Variants in GRM7 observed in about 807,000 individuals in gnomAD.
GRM7 encodes glutamate metabotropic receptor 7.
In GRM7, 35 loss-of-function variants were observed where a neutral mutation model predicts 84.5. That is an observed-to-expected ratio of 0.41 (90% CI 0.32 to 0.55). The LOEUF is 0.55. Among genes scored for constraint, GRM7 ranks in the 20% least tolerant of loss-of-function variants. GRM7 has a pLI of 0.19. For missense variants in GRM7, 1,003 were observed against 1,194.6 expected (o/e 0.84, Z 2.36); for synonymous variants, 487 against 455.1 (o/e 1.07, Z -0.89).
At position 7,523,294 on chromosome 3, in the gene GRM7, AT is replaced by A. The variant is rs548777727; in HGVS notation, c.1516-55121del. ...GAAGGGGCAATTGATATACAGAAAA[AT>A]TTTTTTCCTTAGTGAAATTGCCTAT... On this transcript the variant is annotated intron_variant, in intron 7 of 9. Transcript: ENST00000357716. 3.8e-3 allele frequency among the ~76,000 whole-genome samples: 585 copies of A among 152,062 alleles called. 7 individuals are homozygous for A. Among genetic ancestry groups the A allele is most frequent in the African/African-American group, 0.013 (557 of 41,472 alleles).
chr3:7,423,306 G>A (rs531920715), intron 5 of GRM7, among the ~76,000 whole-genome samples: 1 of 152,156 alleles, frequency 6.6e-6, no homozygotes, highest in African/African-American at 2.4e-5. Context: ...ATAATTATTT[G>A]AGCTGTGTGT....
intron 7 of GRM7, among the ~76,000 whole-genome samples, chr3:7,566,713 A>G (rs894134497): frequency 6.6e-6 from 1 of 152,032 alleles, no homozygotes; most frequent in African/African-American, 2.4e-5. Flanking sequence ...GCAATCTAAG[A>G]ATATATGGTA....
At chr3:7,400,314 C>G (rs1259167789) in intron 4 of GRM7, among the ~76,000 whole-genome samples, 1 of 152,160 alleles carries the variant, frequency 6.6e-6, no homozygotes, top group African/African-American at 2.4e-5. Flanking sequence ...AAATAGGAAT[C>G]TTCCTCCCCA....
chr3:7,294,620 A>G (rs1699752160), intron 2 of GRM7, among the ~76,000 whole-genome samples: 1 of 151,846 alleles, frequency 6.6e-6, no homozygotes, highest in African/African-American at 2.4e-5. Flanking sequence ...TTCTACTTCT[A>G]CCTGAGTAGG....
intron 1 of GRM7, among the ~76,000 whole-genome samples, chr3:7,068,300 G>T (rs1293372403): frequency 6.6e-6 from 1 of 151,978 alleles, no homozygotes; most frequent in Non-Finnish European, 1.5e-5. Context: ...TCTATGATGT[G>T]AATTAACTCA....
intron 1 of GRM7, among the ~76,000 whole-genome samples, chr3:7,071,278 AATAGGCAGC>A (rs1460331560): frequency 5.9e-5 from 9 of 152,122 alleles, no homozygotes; most frequent in Admixed American, 5.9e-4. Flanking sequence ...ATGGGAATGA[AATAGGCAGC>A]ATTTTTTGGT....
intron 1 of GRM7, among the ~76,000 whole-genome samples, chr3:6,944,131 C>T (rs567880167): frequency 1.3e-5 from 2 of 152,094 alleles, no homozygotes; most frequent in South Asian, 4.1e-4. Context: ...CAAATAAAGA[C>T]AAATTAATCT....
intron 7 of GRM7, among the ~76,000 whole-genome samples, chr3:7,502,257 G>A (rs140406505): frequency 3.9e-5 from 6 of 152,256 alleles, no homozygotes; most frequent in African/African-American, 1.4e-4. Context: ...AAAAGGAATT[G>A]TGTCCAGTTC....
At chr3:6,891,732 A>G (rs1695957778) in intron 1 of GRM7, among the ~76,000 whole-genome samples, 1 of 151,940 alleles carries the variant, frequency 6.6e-6, no homozygotes. Flanking sequence ...CTTCTCGAGG[A>G]GTATCTTTGT....
chr3:7,300,390 G>T, intron 3 of GRM7, among the ~76,000 whole-genome samples: 1 of 152,150 alleles, frequency 6.6e-6, no homozygotes. Flanking sequence ...CTATTAAATG[G>T]AAAGAGTTTT....
chr3:6,873,135 G>A (rs527969405), intron 1 of GRM7, among the ~76,000 whole-genome samples: 2 of 152,196 alleles, frequency 1.3e-5, no homozygotes, highest in East Asian at 3.9e-4. Flanking sequence ...GCAGTGGCGC[G>A]ATCTCGGCTC....
chr3:6,935,130 A>G (rs1697642141), intron 1 of GRM7, among the ~76,000 whole-genome samples: 1 of 152,240 alleles, frequency 6.6e-6, no homozygotes, highest in Non-Finnish European at 1.5e-5. Flanking sequence ...GATTCATGTT[A>G]TGTCCTTAGT....
intron 8 of GRM7, among the ~76,000 whole-genome samples, chr3:7,616,749 T>C (rs116526343): frequency 2.6e-4 from 39 of 152,228 alleles, no homozygotes; most frequent in African/African-American, 9.1e-4. Context: ...AATCCTAAAA[T>C]TACAAACTAA....
chr3:7,404,089 A>C (rs1410571650), intron 4 of GRM7, among the ~76,000 whole-genome samples: 1 of 152,142 alleles, frequency 6.6e-6, no homozygotes, highest in African/African-American at 2.4e-5. Context: ...AGCAAACGTA[A>C]TTTAAAAAAT....
chr3:7,522,470 A>G (rs1700632704), intron 7 of GRM7, among the ~76,000 whole-genome samples: 1 of 152,036 alleles, frequency 6.6e-6, no homozygotes, highest in Admixed American at 6.6e-5. Context: ...TGCCTTGTAG[A>G]GCTATGACAC....
chr3:7,418,288 T>C (rs749325217), intron 5 of GRM7, among the ~76,000 whole-genome samples: 64 of 152,266 alleles, frequency 4.2e-4, no homozygotes, highest in Non-Finnish European at 6.6e-4. Context: ...TTGATATAGA[T>C]CAGGCATTCG....
At chr3:7,325,731 A>G (rs946520970) in intron 4 of GRM7, among the ~76,000 whole-genome samples, 5 of 152,224 alleles carry the variant, frequency 3.3e-5, no homozygotes, top group African/African-American at 7.2e-5. Flanking sequence ...GTCTATATGC[A>G]TCTCTATATA....
At chr3:7,280,586 C>T (rs574938270) in intron 2 of GRM7, among the ~76,000 whole-genome samples, 1 of 152,210 alleles carries the variant, frequency 6.6e-6, no homozygotes, top group South Asian at 2.1e-4. Flanking sequence ...TAGGCTGTCA[C>T]GGGAAGTAAA....
intron 2 of GRM7, among the ~76,000 whole-genome samples, chr3:7,183,352 C>T (rs142332956): frequency 6.8e-4 from 104 of 152,198 alleles, no homozygotes; most frequent in African/African-American, 2.3e-3. Context: ...TGAAGCTGGG[C>T]GTGGTGGCTC....
Sources: gnomAD v4.1 joint callset for allele counts (sites outside exome capture counted in the v4.1 genomes callset) on GRCh38, gnomAD v4.1.1 for gene constraint, MANE v1.5 for transcripts, NCBI Gene and HGNC (gene_info 2026-07-23, HGNC 2026-07-21) for gene names.